The following CCDC171 variants were observed in gnomAD, a reference collection of about 807,000 sequenced individuals.
The protein encoded by CCDC171 is coiled-coil domain-containing protein 171.
In CCDC171, 177 loss-of-function variants were observed where a neutral mutation model predicts 168.2. That is an observed-to-expected ratio of 1.05 (90% confidence interval 0.93 to 1.19). The LOEUF is 1.19. CCDC171 is among the 50% of genes most tolerant of loss of function. The pLI, the probability that CCDC171 is intolerant of heterozygous loss-of-function variation, is 0.00. For synonymous variants in CCDC171, 687 were observed against 540.8 expected (o/e 1.27, Z -3.75); for missense variants, 1,991 against 1,539.0 (o/e 1.29, Z -4.91).
chr9:15,637,784 A>G (rs920693168), intron 7 of CCDC171, among the ~76,000 whole-genome samples: 4 of 151,896 alleles, frequency 2.6e-5, no homozygotes, highest in African/African-American at 9.7e-5. Context: ...CCATGTCCCT[A>G]CAAAGGACAT....
intron 25 of CCDC171, among the ~76,000 whole-genome samples, chr9:15,946,403 G>A (rs1306735719): frequency 1.3e-5 from 2 of 151,968 alleles, no homozygotes; most frequent in Non-Finnish European, 2.9e-5. Context: ...CGAATCATGA[G>A]TGAACTCCCA....
chr9:15,579,029 A>G lies in CCDC171; in HGVS notation c.352+6A>G, dbSNP rs367753057. Reference sequence around the variant, plus strand: ...GATCCAAGAAAAACTCTGTGGTAAGACTGTTTCTATTTCTTCCCAAGTTTA... The same window carrying G: ...GATCCAAGAAAAACTCTGTGGTAAGGCTGTTTCTATTTCTTCCCAAGTTTA... On this transcript the variant is annotated splice_donor_region_variant and intron_variant, in intron 4 of 25. Coordinates refer to ENST00000380701, the MANE Select transcript of CCDC171 (RefSeq NM_173550.4). The G allele has an allele frequency of 1.4e-5, 22 of 1,611,334 alleles. No homozygotes were observed. In the African/African-American group the frequency reaches 2.8e-4, roughly 21 times the overall value.
At chr9:15,674,176 G>A (rs1020922172) in intron 9 of CCDC171, among the ~76,000 whole-genome samples, 8 of 152,118 alleles carry the variant, frequency 5.3e-5, no homozygotes, top group African/African-American at 1.9e-4. Context: ...TCTGATAGTA[G>A]TTTGTATTTC....
intron 1 of CCDC171, among the ~76,000 whole-genome samples, chr9:16,050,731 GC>G (rs1564135913): frequency 6.6e-6 from 1 of 152,178 alleles, no homozygotes; most frequent in African/African-American, 2.4e-5. Context: ...TAAACAAAGA[GC>G]TGTCCCTTTT....
chr9:15,592,191 T>C (rs186017545), intron 5 of CCDC171, among the ~76,000 whole-genome samples: 1 of 151,482 alleles, frequency 6.6e-6, no homozygotes, highest in African/African-American at 2.4e-5. Flanking sequence ...AAGCCAGGTA[T>C]GGTGGTGCAG....
intron 16 of CCDC171, among the ~76,000 whole-genome samples, chr9:15,736,252 T>C (rs1438119921): frequency 6.6e-6 from 1 of 152,238 alleles, no homozygotes; most frequent in African/African-American, 2.4e-5. Context: ...TGCATTATAT[T>C]GTAATACTGC....
chr9:15,941,814 T>A (rs1827770743), intron 25 of CCDC171, among the ~76,000 whole-genome samples: 1 of 151,946 alleles, frequency 6.6e-6, no homozygotes. Context: ...TGCAAAGAAC[T>A]AACATAAGGT....
At chr9:15,612,590 ATT>A (rs1244989002) in intron 6 of CCDC171, among the ~76,000 whole-genome samples, 6 of 152,112 alleles carry the variant, frequency 3.9e-5, no homozygotes, top group Non-Finnish European at 7.4e-5. Flanking sequence ...TATTAAAAGT[ATT>A]TTGTAGTGTG....
intron 11 of CCDC171, among the ~76,000 whole-genome samples, chr9:15,702,662 G>GTCT (rs2051851932): frequency 6.6e-6 from 1 of 152,116 alleles, no homozygotes; most frequent in Admixed American, 6.5e-5. Context: ...AGACTGTTTA[G>GTCT]TCTTCACTGA....
chr9:16,068,164 C>T, the CCDC171 span, among the ~76,000 whole-genome samples: 2 of 147,170 alleles, frequency 1.4e-5, no homozygotes, highest in African/African-American at 5.3e-5. Context: ...ACACCAACAA[C>T]AGACAAACAG....
intron 7 of CCDC171, among the ~76,000 whole-genome samples, chr9:15,632,687 G>A (rs1478705558): frequency 2.0e-5 from 3 of 151,932 alleles, no homozygotes; most frequent in Non-Finnish European, 4.4e-5. Flanking sequence ...AGTTCATATG[G>A]AACCAAAAAA....
intron 11 of CCDC171, among the ~76,000 whole-genome samples, chr9:15,695,786 C>G (rs1224089312): frequency 6.6e-6 from 1 of 152,172 alleles, no homozygotes; most frequent in Non-Finnish European, 1.5e-5. Flanking sequence ...GTTTTCTAAG[C>G]TGGTTTTCAT....
intron 14 of CCDC171, among the ~76,000 whole-genome samples, chr9:15,725,907 A>G (rs1230875173): frequency 6.6e-6 from 1 of 152,200 alleles, no homozygotes; most frequent in Non-Finnish European, 1.5e-5. Context: ...CTACCCATTT[A>G]TGTTTATTAA....
At chr9:15,874,465 G>T in intron 23 of CCDC171, 67 bp from the exon 24 acceptor site, 1 of 1,418,570 alleles carries the variant, frequency 7.0e-7, no homozygotes, top group South Asian at 1.6e-5. Flanking sequence ...GGCTCAAGGG[G>T]ACCCAGTTCA....
chr9:15,709,004 T>C (rs1345682196), intron 11 of CCDC171, among the ~76,000 whole-genome samples: 1 of 152,120 alleles, frequency 6.6e-6, no homozygotes, highest in African/African-American at 2.4e-5. Context: ...ATAGAATTTG[T>C]GAAAAACTAA....
At chr9:15,638,417 C>T (rs780224198) in intron 7 of CCDC171, among the ~76,000 whole-genome samples, 110 of 151,980 alleles carry the variant, frequency 7.2e-4, no homozygotes, top group Non-Finnish European at 1.4e-3. Context: ...ACCAGTAATA[C>T]TAGGTACTTA....
chr9:15,914,051 C>A (rs190903807), intron 24 of CCDC171, among the ~76,000 whole-genome samples: 1 of 152,144 alleles, frequency 6.6e-6, no homozygotes, highest in Non-Finnish European at 1.5e-5. Flanking sequence ...AGATACCAGC[C>A]GGAGCGCTTG....
chr9:15,967,513 T>C (rs1830917541), intron 25 of CCDC171, among the ~76,000 whole-genome samples: 1 of 152,204 alleles, frequency 6.6e-6, no homozygotes, highest in South Asian at 2.1e-4. Context: ...TCAAGTATTA[T>C]ATTCAGGAAA....
intron 25 of CCDC171, among the ~76,000 whole-genome samples, chr9:15,928,342 G>A (rs535475747): frequency 5.3e-5 from 8 of 151,768 alleles, no homozygotes; most frequent in East Asian, 1.9e-4. Context: ...AGATTACGTC[G>A]GAGTTGACAT....
Sources: gnomAD v4.1 joint callset for allele counts (sites outside exome capture counted in the v4.1 genomes callset) on GRCh38, gnomAD v4.1.1 for gene constraint, MANE v1.5 for transcripts, NCBI Gene and HGNC (gene_info 2026-07-23, HGNC 2026-07-21) for gene names.